KDM6A: variants seen among roughly 807,000 people sequenced by gnomAD.
KDM6A encodes the protein lysine demethylase 6A, also known as lysine-specific demethylase 6A.
KDM6A carries 11 observed loss-of-function variants against 117.6 expected under a neutral mutation model. That is an observed-to-expected ratio of 0.09 (90% CI 0.06 to 0.15). KDM6A has a LOEUF of 0.15. KDM6A is among the 10% of genes least tolerant of loss of function. The probability of loss-of-function intolerance (pLI) is 1.00; values close to 1 mark genes in which losing one functional copy is unlikely to be tolerated. For missense variants in KDM6A, 799 were observed against 1,077.3 expected, an observed-to-expected ratio of 0.74 and a Z score of 3.62; for synonymous variants, 384 against 396.1, an observed-to-expected ratio of 0.97 and a Z score of 0.36.
chrX:44,891,132 T>C (rs1028320088), intron 2 of KDM6A, among the ~76,000 whole-genome samples: 7 of 111,486 alleles, frequency 6.3e-5, no homozygotes, highest in Admixed American at 5.8e-4. Flanking sequence ...TCTATAACTT[T>C]GAATGATTTT....
intron 4 of KDM6A, among the ~76,000 whole-genome samples, chrX:44,978,303 A>G (rs2039716625): frequency 8.9e-6 from 1 of 112,504 alleles, no homozygotes; most frequent in Admixed American, 9.4e-5. Flanking sequence ...TTTTTTAAAA[A>G]TTCATTTTTT....
rs769616527 is a variant in KDM6A, at chrX:44,879,790, T to C, written c.225+5803T>C. Among the ~76,000 whole-genome samples the C allele has an allele frequency of 8.9e-5, 10 of 112,152 alleles. No homozygotes were observed. The East Asian group carries it at 2.8e-3, about 31-fold the overall frequency. ...ATGGCTCTTAAAGATGGGGATTGTTTGTTGATTGTGTTTCTTGGAGATGGT... is the reference window on the plus strand; with the variant it reads ...ATGGCTCTTAAAGATGGGGATTGTTCGTTGATTGTGTTTCTTGGAGATGGT... On this transcript the variant is annotated intron_variant, in intron 2 of 29. Coordinates refer to ENST00000611820, the MANE Select transcript of KDM6A (RefSeq NM_001291415.2).
intron 17 of KDM6A, among the ~76,000 whole-genome samples, chrX:45,068,810 CT>C (rs1325350834): frequency 3.0e-5 from 3 of 101,336 alleles, no homozygotes; most frequent in Non-Finnish European, 5.9e-5. Flanking sequence ...CTTTCTCTTT[CT>C]CTTTCTCTTT....
chrX:44,964,732 A>G (rs977675614), intron 3 of KDM6A, among the ~76,000 whole-genome samples: 1 of 112,143 alleles, frequency 8.9e-6, no homozygotes, highest in Non-Finnish European at 1.9e-5. Context: ...TATAGAGCAT[A>G]GACAGTAGAT....
chrX:44,961,434 G>A (rs2038665447), intron 3 of KDM6A, 42 bp downstream of exon 3: 3 of 871,112 alleles, frequency 3.4e-6, no homozygotes, highest in Non-Finnish European at 3.3e-6. Flanking sequence ...TTATACATGT[G>A]TTGGATTGTA....
chrX:44,884,697 A>C (rs2032682973), intron 2 of KDM6A, among the ~76,000 whole-genome samples: 2 of 111,561 alleles, frequency 1.8e-5, no homozygotes, highest in African/African-American at 3.3e-5. Context: ...AGATGGAGGC[A>C]GACTTAAGAG....
At chrX:44,956,027 C>T (rs1264924794) in intron 2 of KDM6A, among the ~76,000 whole-genome samples, 1 of 111,060 alleles carries the variant, frequency 9.0e-6, no homozygotes, top group African/African-American at 3.2e-5. Flanking sequence ...ATTTTTCCTA[C>T]CTTCTGAATG....
intron 2 of KDM6A, among the ~76,000 whole-genome samples, chrX:44,887,563 T>C (rs1157953112): frequency 9.0e-6 from 1 of 111,104 alleles, no homozygotes; most frequent in Admixed American, 9.6e-5. Flanking sequence ...TCACATATTC[T>C]CTCAAAATCT....
At chrX:45,021,206 C>T (rs1488863148) in intron 6 of KDM6A, among the ~76,000 whole-genome samples, 1 of 111,715 alleles carries the variant, frequency 9.0e-6, no homozygotes, top group African/African-American at 3.3e-5. Context: ...GGCATTTGGA[C>T]TGTTGGTTTG....
chrX:44,976,989 C>G (rs1461796805), intron 4 of KDM6A, among the ~76,000 whole-genome samples: 1 of 111,456 alleles, frequency 9.0e-6, no homozygotes, highest in Non-Finnish European at 1.9e-5. Flanking sequence ...CTACTCAGCA[C>G]TTTTAATTAT....
intron 2 of KDM6A, among the ~76,000 whole-genome samples, chrX:44,952,413 A>G (rs1380323598): frequency 1.8e-5 from 2 of 109,017 alleles, no homozygotes; most frequent in African/African-American, 6.7e-5. Flanking sequence ...CTGGAATTAC[A>G]GGCGCCCACC....
At position 45,034,922 on chromosome X, in the gene KDM6A, G is replaced by A. The variant is rs1171173147; in HGVS notation, c.565-9G>A. 4 of 1,201,357 alleles carry A rather than the reference G, an allele frequency of 3.3e-6. No individual in the cohort carries two copies. On this transcript the variant is annotated splice_polypyrimidine_tract_variant and intron_variant, in intron 6 of 29. Transcript: ENST00000611820. The stretch of plus-strand genomic sequence containing the variant: ...TGACTGCATTAATTTTCTCACTCTC[G>A]TCTTGCAGCATTTTCAGTTAGCTTT...
intron 2 of KDM6A, among the ~76,000 whole-genome samples, chrX:44,954,504 T>C (rs2038206749): frequency 8.9e-6 from 1 of 112,110 alleles, no homozygotes; most frequent in Non-Finnish European, 1.9e-5. Flanking sequence ...ACAAATTCTT[T>C]TACTGATCTG....
intron 28 of KDM6A, among the ~76,000 whole-genome samples, chrX:45,108,536 T>A (rs1221003602): frequency 9.0e-6 from 1 of 110,515 alleles, no homozygotes; most frequent in Non-Finnish European, 1.9e-5. Flanking sequence ...GTAAACTAGT[T>A]CAACCATTGT....
chrX:44,911,001 T>C (rs1033551960), intron 2 of KDM6A, among the ~76,000 whole-genome samples: 8 of 112,725 alleles, frequency 7.1e-5, no homozygotes, highest in African/African-American at 2.6e-4. Context: ...CCGTTCTCAA[T>C]GAGCTGTTGG....
rs1173268810 is a variant in KDM6A at position 44,879,896 on chromosome X, G to T, written c.225+5909G>T. ...ATTTAAAAATCACATTTTAAGGCTG[G>T]GTGTGGTGGCTCACACCTGTAGTCC... On this transcript the variant is annotated intron_variant, in intron 2 of 29. Coordinates refer to ENST00000611820, the MANE Select transcript of KDM6A (RefSeq NM_001291415.2). Among the ~76,000 whole-genome samples the T allele has an allele frequency of 3.6e-5, 4 of 111,812 alleles. No homozygotes were observed. The East Asian group carries it at 1.1e-3, about 31-fold the overall frequency.
chrX:44,919,136 A>T (rs1014226483), intron 2 of KDM6A, among the ~76,000 whole-genome samples: 1 of 111,922 alleles, frequency 8.9e-6, no homozygotes, highest in Non-Finnish European at 1.9e-5. Flanking sequence ...CCTTGTTATC[A>T]GTATCTTAGT....
chrX:44,961,761 A>G (rs750017228), intron 3 of KDM6A, among the ~76,000 whole-genome samples: 1 of 112,477 alleles, frequency 8.9e-6, no homozygotes, highest in South Asian at 3.6e-4. Context: ...TTTTAGCTCA[A>G]AAATATTTGA....
chrX:45,095,801 A>G (rs914040556), intron 27 of KDM6A, among the ~76,000 whole-genome samples: 9 of 112,353 alleles, frequency 8.0e-5, no homozygotes, highest in Admixed American at 7.5e-4. Context: ...CCAGTGACCA[A>G]CTGTTGTACA....
Sources: gnomAD v4.1 joint callset for allele counts (sites outside exome capture counted in the v4.1 genomes callset) on GRCh38, gnomAD v4.1.1 for gene constraint, MANE v1.5 for transcripts, NCBI Gene and HGNC (gene_info 2026-07-23, HGNC 2026-07-21) for gene names.